The following PACSIN2 variants were observed in gnomAD, a reference collection of about 807,000 sequenced individuals.
PACSIN2 encodes the protein protein kinase C and casein kinase substrate in neurons 2, also known as protein kinase C and casein kinase substrate in neurons protein 2.
PACSIN2 carries 25 observed loss-of-function variants against 63.8 expected under a neutral mutation model. The ratio of observed to expected loss-of-function variants is 0.39; its 90% CI spans 0.29 to 0.55. The LOEUF is 0.55. Ranked by LOEUF, PACSIN2 falls within the 20% of genes least tolerant of loss-of-function variation. The pLI is 0.62. For synonymous variants in PACSIN2, 255 were observed against 256.2 expected (o/e 1.00, Z 0.05); for missense variants, 518 against 646.9 (o/e 0.80, Z 2.16).
At chr22:42,995,312 A>G (rs1030760369) in intron 1 of PACSIN2, among the ~76,000 whole-genome samples, 5 of 152,256 alleles carry the variant, frequency 3.3e-5, no homozygotes, top group Non-Finnish European at 5.9e-5. Context: ...AAAGTTATTC[A>G]ATGCAAATAT....
At chr22:42,935,799 G>A (rs981371545) in intron 1 of PACSIN2, among the ~76,000 whole-genome samples, 2 of 152,124 alleles carry the variant, frequency 1.3e-5, no homozygotes, top group Non-Finnish European at 2.9e-5. Flanking sequence ...GACCTGGAGA[G>A]CTCAGAGAGT....
At chr22:42,965,074 G>C (rs1015136008) in intron 1 of PACSIN2, among the ~76,000 whole-genome samples, 2 of 152,200 alleles carry the variant, frequency 1.3e-5, no homozygotes, top group African/African-American at 4.8e-5. Context: ...TGTGGCATCG[G>C]CGCACAGCTG....
intron 2 of PACSIN2, among the ~76,000 whole-genome samples, chr22:42,899,426 G>A (rs1930518067): frequency 1.3e-5 from 2 of 152,110 alleles, no homozygotes; most frequent in African/African-American, 4.8e-5. Flanking sequence ...TAGCTGGGAT[G>A]ACAGCAGGCA....
At chr22:42,984,605 C>T (rs1343611241) in intron 1 of PACSIN2, among the ~76,000 whole-genome samples, 1 of 152,170 alleles carries the variant, frequency 6.6e-6, no homozygotes, top group Non-Finnish European at 1.5e-5. Flanking sequence ...GCAAAGGTTC[C>T]TGGTGCAAAA....
At chr22:42,909,334 T>G in intron 2 of PACSIN2, 3 of 335,206 alleles carry the variant, frequency 8.9e-6, no homozygotes, top group South Asian at 2.2e-5. Flanking sequence ...TGGGAAGGAG[T>G]AAAATTAAAC....
intron 1 of PACSIN2, among the ~76,000 whole-genome samples, chr22:42,995,266 T>C (rs1036496909): frequency 6.6e-6 from 1 of 152,350 alleles, no homozygotes; most frequent in Non-Finnish European, 1.5e-5. Context: ...GCTTCTGACA[T>C]GAAGTGTGGC....
At chr22:42,948,081 C>T (rs1933512754) in intron 1 of PACSIN2, among the ~76,000 whole-genome samples, 1 of 152,192 alleles carries the variant, frequency 6.6e-6, no homozygotes. Context: ...AGTGGGAATT[C>T]TTCAGCAGGA....
chr22:42,955,241 GTGAACTGC>G (rs1472557232), intron 1 of PACSIN2, among the ~76,000 whole-genome samples: 4 of 152,200 alleles, frequency 2.6e-5, no homozygotes, highest in Non-Finnish European at 5.9e-5. Flanking sequence ...AGTGCCTGAT[GTGAACTGC>G]GTGGACAAGA....
intron 1 of PACSIN2, among the ~76,000 whole-genome samples, chr22:42,958,547 G>A (rs1336279139): frequency 6.6e-6 from 1 of 152,156 alleles, no homozygotes; most frequent in African/African-American, 2.4e-5. Context: ...AATTCAGTAG[G>A]ATGTTTTACT....
chr22:42,965,924 T>C (rs1920949881), intron 1 of PACSIN2, among the ~76,000 whole-genome samples: 1 of 100,952 alleles, frequency 9.9e-6, no homozygotes, highest in African/African-American at 3.9e-5. Context: ...AATAAATAAA[T>C]AATCATAAAT....
rs545512188 is a variant in PACSIN2, at chr22:42,971,465, C to T, written c.-78+43556G>A. Among the ~76,000 whole-genome samples, 9 of 152,324 alleles carry T rather than the reference C, an allele frequency of 5.9e-5. No individual in the cohort carries two copies. In the South Asian group the frequency reaches 1.9e-3, roughly 32 times the overall value. Reference sequence around the variant, plus strand: ...CCCACCTCCCAGCCGCCTGCCTTGGCCTCCCAAAGTGCCAAGAGTGCAGCC... The same window carrying T: ...CCCACCTCCCAGCCGCCTGCCTTGGTCTCCCAAAGTGCCAAGAGTGCAGCC... On this transcript the variant is annotated intron_variant, in intron 1 of 10. Transcript: ENST00000263246.
chr22:42,901,071 C>T (rs1180766520), intron 2 of PACSIN2, among the ~76,000 whole-genome samples: 2 of 152,152 alleles, frequency 1.3e-5, no homozygotes, highest in Admixed American at 6.5e-5. Context: ...CTTCTAGGAC[C>T]GGTTGCCAAG....
At chr22:42,984,131 T>C (rs1040453359) in intron 1 of PACSIN2, among the ~76,000 whole-genome samples, 1 of 151,904 alleles carries the variant, frequency 6.6e-6, no homozygotes, top group South Asian at 2.1e-4. Context: ...CCACCACATC[T>C]GGCTAATTTT....
chr22:42,897,619 A>G (rs986606588), intron 2 of PACSIN2, among the ~76,000 whole-genome samples: 1 of 152,242 alleles, frequency 6.6e-6, no homozygotes, highest in African/African-American at 2.4e-5. Context: ...ACAAATGCTC[A>G]GCATACATGT....
chr22:42,910,408 G>A (rs1255096910), intron 2 of PACSIN2, among the ~76,000 whole-genome samples: 1 of 152,228 alleles, frequency 6.6e-6, no homozygotes, highest in Non-Finnish European at 1.5e-5. Context: ...CACAGCTGCT[G>A]CCAGCTCCAT....
At chr22:42,880,305 C>G (rs1052185397) in intron 7 of PACSIN2, among the ~76,000 whole-genome samples, 1 of 152,260 alleles carries the variant, frequency 6.6e-6, no homozygotes, top group Non-Finnish European at 1.5e-5. Context: ...GACCCCAAAT[C>G]TGGGTCACCT....
chr22:42,981,798 C>T (rs1922170860), intron 1 of PACSIN2, among the ~76,000 whole-genome samples: 1 of 128,690 alleles, frequency 7.8e-6, no homozygotes, highest in East Asian at 2.5e-4. Flanking sequence ...CCCCGCCCGG[C>T]CAGCCGCCCA....
At chr22:42,953,338 A>C (rs1933780875) in intron 1 of PACSIN2, among the ~76,000 whole-genome samples, 1 of 152,238 alleles carries the variant, frequency 6.6e-6, no homozygotes, top group Admixed American at 6.5e-5. Flanking sequence ...GATGAAATGC[A>C]ATCAAAACAA....
At position 43,013,147 on chromosome 22, in the gene PACSIN2, A is replaced by G. The variant is rs567322671; in HGVS notation, c.-78+1874T>C. 2.6e-5 allele frequency among the ~76,000 whole-genome samples: 4 copies of G among 152,364 alleles called. No individual in the cohort carries two copies. In the South Asian group the frequency reaches 8.3e-4, roughly 32 times the overall value. ...ATATACATTTGAGATTAAAAGTGAT[A>G]AAGTTCCAAGTCCCAAAGCAGCACG... On this transcript the variant is annotated intron_variant, in intron 1 of 10. Coordinates refer to ENST00000263246, the MANE Select transcript of PACSIN2 (RefSeq NM_001184970.3).
Sources: gnomAD v4.1 joint callset for allele counts (sites outside exome capture counted in the v4.1 genomes callset) on GRCh38, gnomAD v4.1.1 for gene constraint, MANE v1.5 for transcripts, NCBI Gene and HGNC (gene_info 2026-07-23, HGNC 2026-07-21) for gene names.